The following SPATA2 variants were observed in gnomAD, a reference collection of about 807,000 sequenced individuals.
SPATA2 encodes spermatogenesis associated 2.
SPATA2 carries 8 observed loss-of-function variants against 35.4 expected under a neutral mutation model. The observed-to-expected ratio is 0.23, with a 90% CI of 0.13 to 0.41. SPATA2 has a LOEUF of 0.41. Among genes scored for constraint, SPATA2 ranks in the 10% least tolerant of loss-of-function variants. SPATA2 has a pLI of 1.00. For synonymous variants in SPATA2, 293 were observed against 300.9 expected, an observed-to-expected ratio of 0.97 and a Z score of 0.27; for missense variants, 650 against 698.7, an observed-to-expected ratio of 0.93 and a Z score of 0.79.
In SPATA2 at chr20:49,905,851, G is replaced by A. The variant is rs143193219; in HGVS notation, c.1331C>T (p.Pro444Leu). The A allele has an allele frequency of 9.9e-6, 16 of 1,613,896 alleles. No homozygotes were observed. The highest frequency in any genetic ancestry group is 1.6e-4 in the Middle Eastern group (1 of 6,078). The change falls in exon 3 of 3, where the codon CCG becomes CTG. Residue 444 changes from proline to leucine, a missense_variant. Transcript: ENST00000289431. Reference protein sequence around the residue: ...PGQTQGLDRLPHLHSKSKPST... With the variant: ...PGQTQGLDRLLHLHSKSKPST... Reference sequence around the variant, plus strand: ...GGGCTTGGATTTGGAGTGAAGGTGCGGGAGGCGGTCGAGGCCCTGAGTCTG... The same window carrying A: ...GGGCTTGGATTTGGAGTGAAGGTGCAGGAGGCGGTCGAGGCCCTGAGTCTG...
intron 1 of SPATA2, among the ~76,000 whole-genome samples, chr20:49,911,013 G>A (rs111267257): frequency 3.3e-5 from 5 of 152,278 alleles, no homozygotes; most frequent in African/African-American, 7.2e-5. Flanking sequence ...CCAGGAGTTC[G>A]AGACCAGCCT....
chr20:49,915,022 G>A (rs2090201660), intron 1 of SPATA2, among the ~76,000 whole-genome samples: 1 of 152,252 alleles, frequency 6.6e-6, no homozygotes, highest in African/African-American at 2.4e-5. Flanking sequence ...CACACAGTGA[G>A]TACAAACCCA....
chr20:49,911,290 C>G (rs186237677), intron 1 of SPATA2, among the ~76,000 whole-genome samples: 1 of 152,316 alleles, frequency 6.6e-6, no homozygotes, highest in Non-Finnish European at 1.5e-5. Flanking sequence ...GTGGTAAGCT[C>G]CATAAAGGCA....
At position 49,906,526 on chromosome 20, in the gene SPATA2, TCCCGGC is replaced by T; in HGVS notation, c.650_655del (p.Gly217_Arg218del). ...TCGTGACATGGAGGCCGTCAGGTGC[TCCCGGC>T]CCTCTGCCCGCCGCCGCAGGGCGTC... On this transcript the variant is annotated inframe_deletion, in exon 3 of 3. Transcript: ENST00000289431. The surrounding 1 kb of genome is among the most constrained non-coding windows in gnomAD (Gnocchi z 8.2). 6.2e-7 allele frequency: 1 copy of T among 1,612,462 alleles called. No individual in the cohort carries two copies. Among genetic ancestry groups the T allele is most frequent in the Non-Finnish European group, 8.5e-7 (1 of 1,179,808 alleles).
chr20:49,915,206 T>A (rs1439737374), intron 1 of SPATA2, among the ~76,000 whole-genome samples, 174 bp downstream of exon 1: 2 of 150,968 alleles, frequency 1.3e-5, no homozygotes, highest in African/African-American at 4.9e-5. Flanking sequence ...AGAATGGGGG[T>A]CCTGAGGATA....
intron 1 of SPATA2, among the ~76,000 whole-genome samples, chr20:49,910,578 G>A (rs191121911): frequency 6.7e-4 from 102 of 152,312 alleles, no homozygotes; most frequent in Non-Finnish European, 1.1e-3. Flanking sequence ...CATGTCTGCT[G>A]AGTGTGGGAG....
chr20:49,912,796 T>C (rs1447480988), intron 1 of SPATA2, among the ~76,000 whole-genome samples: 1 of 152,036 alleles, frequency 6.6e-6, no homozygotes, highest in Non-Finnish European at 1.5e-5. Flanking sequence ...ATGTTCAAAA[T>C]ACTCACAATA....
rs2146825330 is a variant in SPATA2, at chr20:49,904,360, A to T, written c.*1259T>A. ...TCCTGCCCACTTTTAGTGCAAAAAGATTGCAAATGTTGCAGATGAGTCCTG... is the reference window on the plus strand; with the variant it reads ...TCCTGCCCACTTTTAGTGCAAAAAGTTTGCAAATGTTGCAGATGAGTCCTG... On this transcript the variant is annotated 3_prime_UTR_variant, in exon 3 of 3. Coordinates refer to ENST00000289431, the MANE Select transcript of SPATA2 (RefSeq NM_006038.4). 6.5e-6 allele frequency: 1 copy of T among 152,710 alleles called. No homozygotes were observed. Among genetic ancestry groups the T allele is most frequent in the Non-Finnish European group, 1.5e-5 (1 of 68,020 alleles). 9.5% of individuals were successfully genotyped at this position (152,710 alleles called of 1,614,324 possible).
Position 49,906,715 on chromosome 20 carries a change from G to A in SPATA2, c.467C>T (p.Thr156Ile). The change falls in exon 3 of 3, where the codon ACC (threonine) becomes ATC (isoleucine). Residue 156 changes from threonine to isoleucine, a missense_variant. Thr to Ile is a moderately conservative substitution (Grantham distance 89). Coordinates refer to ENST00000289431, the MANE Select transcript of SPATA2 (RefSeq NM_006038.4). This position sits in a 1 kb window ranked among gnomAD's most constrained non-coding sequence, Gnocchi z 8.2. Reference protein sequence around the residue: ...TAYKLRELVETLQVKMVSFEL... With the variant: ...TAYKLRELVEILQVKMVSFEL... Reference sequence around the variant, plus strand: ...AAAGGAGACCATCTTCACCTGGAGGGTCTCCACGAGCTCTCTGAGCTTGTA... The same window carrying A: ...AAAGGAGACCATCTTCACCTGGAGGATCTCCACGAGCTCTCTGAGCTTGTA... 9 of 1,614,228 alleles carry A rather than the reference G, an allele frequency of 5.6e-6. No homozygotes were observed. Among genetic ancestry groups the A allele is most frequent in the Non-Finnish European group, 7.6e-6 (9 of 1,180,034 alleles).
At position 49,906,567 on chromosome 20, in the gene SPATA2, G is replaced by A. The variant is rs139047536; in HGVS notation, c.615C>T (p.Arg205=). 1.5e-5 allele frequency: 24 copies of A among 1,613,976 alleles called. No individual in the cohort carries two copies. Among genetic ancestry groups the A allele is most frequent in the African/African-American group, 2.7e-5 (2 of 74,952 alleles). ...SERKSSAEDV[R]GCSDALRRRA... ...GCCGCCGCAGGGCGTCCGAGCAGCC[G>A]CGCACATCCTCTGCACTGCTCTTGC... The change falls in exon 3 of 3, where the codon CGC becomes CGT. Residue 205 remains arginine, a synonymous_variant. Coordinates refer to ENST00000289431, the MANE Select transcript of SPATA2 (RefSeq NM_006038.4). This position sits in a 1 kb window ranked among gnomAD's most constrained non-coding sequence, Gnocchi z 8.2.
In SPATA2 at chr20:49,906,554, C is replaced by T. The variant is rs753009677; in HGVS notation, c.628G>A (p.Ala210Thr). 1.1e-5 allele frequency: 18 copies of T among 1,613,580 alleles called. No individual in the cohort carries two copies. Among genetic ancestry groups the T allele is most frequent in the Admixed American group, 1.7e-5 (1 of 59,994 alleles). ...SAEDVRGCSDALRRRAEGREH... is the reference protein window; with the variant it reads ...SAEDVRGCSDTLRRRAEGREH... ...CGGCCCTCTGCCCGCCGCCGCAGGG[C>T]GTCCGAGCAGCCGCGCACATCCTCT... The change falls in exon 3 of 3, where the codon GCC (alanine) becomes ACC (threonine). Residue 210 changes from alanine to threonine, a missense_variant. By Grantham distance (58) the Ala-to-Thr change is moderately conservative. Coordinates refer to ENST00000289431, the MANE Select transcript of SPATA2 (RefSeq NM_006038.4). The surrounding 1 kb of genome is among the most constrained non-coding windows in gnomAD (Gnocchi z 8.2).
At position 49,904,007 on chromosome 20, in the gene SPATA2, G is replaced by C. The variant is rs1600851271; in HGVS notation, c.*1612C>G. 2 of 148,694 alleles carry C rather than the reference G, an allele frequency of 1.3e-5. No homozygotes were observed. The highest frequency in any genetic ancestry group is 3.0e-5 in the Non-Finnish European group (2 of 67,356). The allele number at this position is 148,694 out of a possible 1,614,324, so 9.2% of individuals were successfully genotyped here. ...ACCTTAAAATCACTCAACTGAGTTG[G>C]AAGAACATCAGCAAATTCACAGTGG... On this transcript the variant is annotated 3_prime_UTR_variant, in exon 3 of 3. Coordinates refer to ENST00000289431, the MANE Select transcript of SPATA2 (RefSeq NM_006038.4).
intron 2 of SPATA2, among the ~76,000 whole-genome samples, chr20:49,907,158 T>A (rs549216000): frequency 6.6e-6 from 1 of 152,252 alleles, no homozygotes; most frequent in South Asian, 2.1e-4. Flanking sequence ...CCTCCTGGGT[T>A]CAAGCGATTC....
In SPATA2 at chr20:49,906,814, T is replaced by C; in HGVS notation, c.368A>G (p.Lys123Arg). 1 of 1,611,950 alleles carries C rather than the reference T, an allele frequency of 6.2e-7. No individual in the cohort carries two copies. The highest frequency in any genetic ancestry group is 1.7e-5 in the Admixed American group (1 of 59,922). Reference sequence around the variant, plus strand: ...GATGTCCTCTTCCAGTAATGTCGACTTGACATAATAAACAAAAGGGCCCGT... The same window carrying C: ...GATGTCCTCTTCCAGTAATGTCGACCTGACATAATAAACAAAAGGGCCCGT... ...TYTGPFVYYV[K>R]STLLEEDIRA... The change falls in exon 3 of 3, where the codon AAG becomes AGG. Residue 123 changes from lysine to arginine, a missense_variant. Transcript: ENST00000289431. This position sits in a 1 kb window ranked among gnomAD's most constrained non-coding sequence, Gnocchi z 8.2.
chr20:49,903,900 TAG>T lies in SPATA2; in HGVS notation c.*1717_*1718del, dbSNP rs1293843241. Reference sequence around the variant, plus strand: ...GTACATCTACATGTGATCTACCAGATAGATATATATATATATATATATATATA... The same window carrying T: ...GTACATCTACATGTGATCTACCAGATATATATATATATATATATATATATA... On this transcript the variant is annotated 3_prime_UTR_variant, in exon 3 of 3. Coordinates refer to ENST00000289431, the MANE Select transcript of SPATA2 (RefSeq NM_006038.4). 1,643 of 65,486 alleles carry T rather than the reference TAG, an allele frequency of 0.025. 91 individuals carry two copies. Among genetic ancestry groups the T allele is most frequent in the African/African-American group, 0.061 (670 of 11,026 alleles). 4.1% of individuals were successfully genotyped at this position (65,486 alleles called of 1,614,324 possible).
At position 49,903,938 on chromosome 20, in the gene SPATA2, T is replaced by G. The variant is rs1447748971; in HGVS notation, c.*1681A>C. The G allele has an allele frequency of 2.7e-4, 16 of 60,248 alleles. 1 individual carries two copies. The highest frequency in any genetic ancestry group is 7.6e-4 in the African/African-American group (15 of 19,658). The allele number at this position is 60,248 out of a possible 1,614,324, so 3.7% of individuals were successfully genotyped here. A position where few individuals can be genotyped will look rare whatever the true frequency, so the allele number is the denominator to read the frequency against. On this transcript the variant is annotated 3_prime_UTR_variant, in exon 3 of 3. Coordinates refer to ENST00000289431, the MANE Select transcript of SPATA2 (RefSeq NM_006038.4). Reference sequence around the variant, plus strand: ...ATATATATATATATATATATATATATATATATATATATATTAAAAAGAGAG... The same window carrying G: ...ATATATATATATATATATATATATAGATATATATATATATTAAAAAGAGAG...
intron 2 of SPATA2, among the ~76,000 whole-genome samples, chr20:49,907,469 C>T (rs184231958): frequency 2.0e-5 from 3 of 152,230 alleles, no homozygotes; most frequent in African/African-American, 7.2e-5. Flanking sequence ...AATAAAGGGG[C>T]CAGATTACAG....
At chr20:49,911,675 A>G (rs1411431296) in intron 1 of SPATA2, among the ~76,000 whole-genome samples, 7 of 151,902 alleles carry the variant, frequency 4.6e-5, no homozygotes, top group Admixed American at 1.3e-4. Context: ...TCTAAAAAAA[A>G]AAAAAGAAAA....
At chr20:49,915,196 A>T (rs2090202843) in intron 1 of SPATA2, among the ~76,000 whole-genome samples, 184 bp downstream of exon 1, 1 of 151,828 alleles carries the variant, frequency 6.6e-6, no homozygotes, top group Non-Finnish European at 1.5e-5. Flanking sequence ...AGCTCCCGGG[A>T]GAATGGGGGT....
Sources: allele counts gnomAD v4.1 joint callset (sites outside exome capture counted in the v4.1 genomes callset), GRCh38; gene constraint gnomAD v4.1.1; non-coding constraint Gnocchi (gnomAD v3.1); transcripts MANE v1.5; gene names NCBI Gene and HGNC (gene_info 2026-07-23, HGNC 2026-07-21).